CSMD1: variants seen among roughly 807,000 people sequenced by gnomAD.
CSMD1 encodes the protein CUB and Sushi multiple domains 1.
A neutral mutation model predicts 417.5 loss-of-function variants in CSMD1; 213 were observed. That is an observed-to-expected ratio of 0.51 (90% confidence interval 0.46 to 0.57). The LOEUF (loss-of-function observed/expected upper bound fraction) is 0.57, where lower values mean the gene tolerates loss of function less well. Among genes scored for constraint, CSMD1 ranks in the 20% least tolerant of loss-of-function variants. CSMD1 has a pLI of 0.00. For missense variants in CSMD1, 6,923 were observed against 4,529.7 expected, an observed-to-expected ratio of 1.53 and a Z score of -15.17; for synonymous variants, 2,862 against 1,736.8, an observed-to-expected ratio of 1.65 and a Z score of -16.11.
At chr8:4,715,030 C>A (rs942661074) in intron 1 of CSMD1, among the ~76,000 whole-genome samples, 21 of 152,120 alleles carry the variant, frequency 1.4e-4, no homozygotes, top group Non-Finnish European at 1.6e-4. Context: ...ACATTTCAAG[C>A]ATTTTTTTAT....
chr8:4,090,339 A>G (rs4875270), intron 3 of CSMD1, among the ~76,000 whole-genome samples: 151,089 of 152,348 alleles, frequency 0.99, 74,931 homozygotes, highest in South Asian at 1. Flanking sequence ...AACATGAGTC[A>G]TTATCTATCA....
intron 2 of CSMD1, among the ~76,000 whole-genome samples, chr8:4,483,022 G>A (rs1164775146): frequency 2.0e-5 from 3 of 152,278 alleles, no homozygotes; most frequent in Non-Finnish European, 4.4e-5. Flanking sequence ...GTTTGGCTCT[G>A]CGTCCCCACC....
intron 10 of CSMD1, among the ~76,000 whole-genome samples, chr8:3,501,718 G>A (rs550642358): frequency 6.6e-6 from 1 of 152,290 alleles, no homozygotes; most frequent in South Asian, 2.1e-4. Context: ...ACAAGTTTAT[G>A]TCTGGAAATT....
chr8:3,744,673 A>G (rs1008985834), intron 6 of CSMD1, among the ~76,000 whole-genome samples: 4 of 152,208 alleles, frequency 2.6e-5, no homozygotes, highest in African/African-American at 9.6e-5. Flanking sequence ...AGCGATGCCT[A>G]CAGACAGGTA....
At chr8:4,278,800 G>C (rs977630504) in intron 3 of CSMD1, among the ~76,000 whole-genome samples, 1 of 152,112 alleles carries the variant, frequency 6.6e-6, no homozygotes, top group South Asian at 2.1e-4. Context: ...GCTTTCATTT[G>C]TGTTTATAAA....
At chr8:4,265,909 G>C (rs143586127) in intron 3 of CSMD1, among the ~76,000 whole-genome samples, 1,312 of 104,196 alleles carry the variant, frequency 0.013, 461 homozygotes, top group Middle Eastern at 0.046. Context: ...AAAATAAAAT[G>C]TGAAGAAATA....
At chr8:4,190,055 G>A (rs4086675) in intron 3 of CSMD1, among the ~76,000 whole-genome samples, 126,200 of 151,448 alleles carry the variant, frequency 0.83, 52,774 homozygotes, top group South Asian at 0.9. Flanking sequence ...TCAGGAGATC[G>A]AGACCATCCT....
At chr8:3,145,742 A>C (rs1475351344) in intron 40 of CSMD1, among the ~76,000 whole-genome samples, 1 of 152,242 alleles carries the variant, frequency 6.6e-6, no homozygotes, top group Admixed American at 6.5e-5. Flanking sequence ...AAATAAGCAT[A>C]ACCTGGTTAT....
At chr8:4,207,292 T>C (rs2131274295) in intron 3 of CSMD1, among the ~76,000 whole-genome samples, 1 of 152,300 alleles carries the variant, frequency 6.6e-6, no homozygotes, top group East Asian at 1.9e-4. Context: ...ATGGCTGGTC[T>C]AAACCATGTT....
chr8:4,279,546 G>A (rs982155865), intron 3 of CSMD1, among the ~76,000 whole-genome samples: 1 of 152,100 alleles, frequency 6.6e-6, no homozygotes, highest in Non-Finnish European at 1.5e-5. Flanking sequence ...CTTTAGCAAT[G>A]TATCCTCTAA....
intron 2 of CSMD1, among the ~76,000 whole-genome samples, chr8:4,603,461 T>C (rs1053171069): frequency 1.3e-5 from 2 of 152,106 alleles, no homozygotes; most frequent in Non-Finnish European, 2.9e-5. Context: ...GCAAGTTTGA[T>C]CCTAACAAAT....
At chr8:4,509,712 T>C (rs145542410) in intron 2 of CSMD1, among the ~76,000 whole-genome samples, 100 of 152,256 alleles carry the variant, frequency 6.6e-4, no homozygotes, top group African/African-American at 2.2e-3. Context: ...TTGACACTTA[T>C]TAAGCCTCAT....
intron 5 of CSMD1, among the ~76,000 whole-genome samples, chr8:3,831,282 G>C (rs538929482): frequency 1.3e-5 from 2 of 152,116 alleles, no homozygotes; most frequent in Admixed American, 6.6e-5. Flanking sequence ...CTCGTCAGGG[G>C]AGCTGCCCTG....
At chr8:4,668,113 G>C (rs954354591) in intron 1 of CSMD1, among the ~76,000 whole-genome samples, 1 of 152,132 alleles carries the variant, frequency 6.6e-6, no homozygotes, top group Non-Finnish European at 1.5e-5. Context: ...GCTTTTAGCA[G>C]ATATTGCCTC....
chr8:3,039,367 C>CTTCCTTCCTCTCTCCCTCCCTTCCTTTT (rs1810923537), intron 50 of CSMD1, among the ~76,000 whole-genome samples: 5 of 145,060 alleles, frequency 3.4e-5, no homozygotes, highest in African/African-American at 1.4e-4. Context: ...TCCTCCTTTA[C>CTTCCTTCCTCTCTCCCTCCCTTCCTTTT]TTTCCTTTCT....
chr8:3,727,435 A>G (rs1802558175), intron 6 of CSMD1, among the ~76,000 whole-genome samples: 1 of 152,158 alleles, frequency 6.6e-6, no homozygotes. Context: ...CCTGTCTAAT[A>G]TTCTAACATG....
Position 4,395,295 on chromosome 8 carries a change from A to C in CSMD1, c.415+24658T>G, listed in dbSNP as rs987204452. Among the ~76,000 whole-genome samples the C allele has an allele frequency of 1.3e-5, 2 of 152,188 alleles. 1 individual carries two copies. Among genetic ancestry groups the C allele is most frequent in the South Asian group, 4.1e-4 (2 of 4,834 alleles). ...ACTACCACAAAGAAGGGCTTTTGCT[A>C]ATTCTTCATAACTTCAGCCCCTTCG... On this transcript the variant is annotated intron_variant, in intron 3 of 69. Transcript: ENST00000635120.
intron 3 of CSMD1, among the ~76,000 whole-genome samples, chr8:4,239,379 TG>T (rs1404229562): frequency 1.3e-5 from 2 of 152,316 alleles, no homozygotes; most frequent in South Asian, 4.1e-4. Flanking sequence ...TTTTCTCATT[TG>T]GCCATGGTTG....
At chr8:3,360,334 A>G (rs1395350492) in intron 20 of CSMD1, among the ~76,000 whole-genome samples, 1 of 152,236 alleles carries the variant, frequency 6.6e-6, no homozygotes, top group Non-Finnish European at 1.5e-5. Context: ...TGTGTTTGCC[A>G]CGTTCTTTAC....
Sources: gnomAD v4.1 joint callset for allele counts (sites outside exome capture counted in the v4.1 genomes callset) on GRCh38, gnomAD v4.1.1 for gene constraint, MANE v1.5 for transcripts, NCBI Gene and HGNC (gene_info 2026-07-23, HGNC 2026-07-21) for gene names.